The following PCBP3 variants were observed in gnomAD, a reference collection of about 807,000 sequenced individuals.
PCBP3 encodes the protein poly(rC)-binding protein 3.
PCBP3 carries 25 observed loss-of-function variants against 52.7 expected under a neutral mutation model. That is an observed-to-expected ratio of 0.47 (90% confidence interval 0.35 to 0.66). The LOEUF (loss-of-function observed/expected upper bound fraction) is 0.66, where lower values mean the gene tolerates loss of function less well. PCBP3 is among the 30% of genes least tolerant of loss of function. The pLI is 0.01. For missense variants in PCBP3, 391 were observed against 490.3 expected (o/e 0.80, Z 1.91); for synonymous variants, 162 against 183.0 (o/e 0.89, Z 0.93).
intron 4 of PCBP3, among the ~76,000 whole-genome samples, chr21:45,810,218 C>CTGTGTG (rs149677854): frequency 0.19 from 28,295 of 147,964 alleles, 2,913 homozygotes; most frequent in Non-Finnish European, 0.22. Context: ...TGATTCGATT[C>CTGTGTG]TGTGTGTGTG....
At chr21:45,806,889 C>G (rs1301809852) in intron 4 of PCBP3, among the ~76,000 whole-genome samples, 1 of 152,160 alleles carries the variant, frequency 6.6e-6, no homozygotes, top group African/African-American at 2.4e-5. Context: ...TCAGATGCTC[C>G]GAGCTCCTTG....
Position 45,821,479 on chromosome 21 carries a change from C to A in PCBP3, c.-125-28482C>A, listed in dbSNP as rs937151980. On this transcript the variant is annotated intron_variant, in intron 4 of 17. Transcript: ENST00000681687. The surrounding 1 kb of genome is among the most constrained non-coding windows in gnomAD (Gnocchi z 4.4). ...CCCAACTCTTTTCTAGAACACTCTTCCCCCTGCACCACGCTGTGGGCCCTG... is the reference window on the plus strand; with the variant it reads ...CCCAACTCTTTTCTAGAACACTCTTACCCCTGCACCACGCTGTGGGCCCTG... 6.7e-6 allele frequency among the ~76,000 whole-genome samples: 1 copy of A among 150,130 alleles called. No individual in the cohort carries two copies. The highest frequency in any genetic ancestry group is 2.5e-5 in the African/African-American group (1 of 40,644).
At chr21:45,940,917 G>A (rs1341640209) in intron 17 of PCBP3, among the ~76,000 whole-genome samples, 1 of 152,104 alleles carries the variant, frequency 6.6e-6, no homozygotes, top group Non-Finnish European at 1.5e-5. Flanking sequence ...GGGCTTGTGG[G>A]ATGGGACGGG....
In PCBP3 at chr21:45,792,930, A is replaced by C. The variant is rs554543198; in HGVS notation, c.-126+37478A>C. On this transcript the variant is annotated intron_variant, in intron 4 of 17. Transcript: ENST00000681687. ...TGAGGGACAGGGAGCCACTTCCAGG[A>C]GATGAAACATTGTCACATGCAGTCC... 2.6e-5 allele frequency among the ~76,000 whole-genome samples: 4 copies of C among 152,302 alleles called. No homozygotes were observed. In the East Asian group the frequency reaches 7.7e-4, roughly 29 times the overall value.
rs1569121422 is a variant in PCBP3, at chr21:45,691,438, A to G, written c.-200+22486A>G. ...TATATATATATAAAATATATATATCATATATATGTATGTATGTATGTGTGT... is the reference window on the plus strand; with the variant it reads ...TATATATATATAAAATATATATATCGTATATATGTATGTATGTATGTGTGT... On this transcript the variant is annotated intron_variant, in intron 2 of 17. Coordinates refer to ENST00000681687, the MANE Select transcript of PCBP3 (RefSeq NM_001384156.1). Among the ~76,000 whole-genome samples, 5 of 102,806 alleles carry G rather than the reference A, an allele frequency of 4.9e-5. No homozygotes were observed. The East Asian group carries it at 1.1e-3, about 23-fold the overall frequency. 67.4% of individuals were successfully genotyped at this position (102,806 alleles called of 152,430 possible).
chr21:45,674,591 A>G (rs1001110747), intron 2 of PCBP3, among the ~76,000 whole-genome samples: 3 of 152,220 alleles, frequency 2.0e-5, no homozygotes, highest in African/African-American at 7.2e-5. Context: ...ACAAATAATA[A>G]TGAAGTAGGT....
chr21:45,782,065 C>A (rs2090677838), intron 4 of PCBP3, among the ~76,000 whole-genome samples: 1 of 151,860 alleles, frequency 6.6e-6, no homozygotes, highest in Admixed American at 6.6e-5. Context: ...TTTTTTTCCC[C>A]CAAAGAAAGC....
At chr21:45,940,964 C>CTAGA (rs1372145889) in intron 17 of PCBP3, among the ~76,000 whole-genome samples, 1 of 152,178 alleles carries the variant, frequency 6.6e-6, no homozygotes. Context: ...AGGGAGGGGC[C>CTAGA]TCTAGGTGGA....
intron 4 of PCBP3, among the ~76,000 whole-genome samples, chr21:45,823,999 C>T (rs1308316389): frequency 6.6e-6 from 1 of 152,214 alleles, no homozygotes; most frequent in African/African-American, 2.4e-5. Context: ...GCCTTGGCCT[C>T]CCAAAGTGCT....
At chr21:45,785,526 C>T (rs1254113859) in intron 4 of PCBP3, among the ~76,000 whole-genome samples, 1 of 149,824 alleles carries the variant, frequency 6.7e-6, no homozygotes, top group Non-Finnish European at 1.5e-5. Flanking sequence ...GTCAGCCCCC[C>T]GCCCGGCCAG....
intron 4 of PCBP3, among the ~76,000 whole-genome samples, chr21:45,849,516 CT>C (rs1233489942): frequency 1.3e-5 from 2 of 151,952 alleles, no homozygotes; most frequent in South Asian, 2.1e-4. Flanking sequence ...TCAAATGTGC[CT>C]TTTTTTTCCA....
At chr21:45,912,335 C>T (rs1005978693) in intron 11 of PCBP3, among the ~76,000 whole-genome samples, 5 of 152,212 alleles carry the variant, frequency 3.3e-5, no homozygotes, top group African/African-American at 1.2e-4. Context: ...CAGGGGCCAT[C>T]ATCCCAGGGA....
At chr21:45,697,754 CA>C (rs5844246) in intron 2 of PCBP3, among the ~76,000 whole-genome samples, 81,346 of 131,988 alleles carry the variant, frequency 0.62, 23,347 homozygotes, top group African/African-American at 0.73. Flanking sequence ...GACCCTGTCT[CA>C]AAAAAAAAAA....
At chr21:45,740,362 TA>T (rs1487974205) in intron 3 of PCBP3, among the ~76,000 whole-genome samples, 1 of 152,222 alleles carries the variant, frequency 6.6e-6, no homozygotes, top group East Asian at 1.9e-4. Flanking sequence ...GCTCCCATGT[TA>T]AAATTAAAAA....
chr21:45,678,335 T>C (rs2081601952), intron 2 of PCBP3, among the ~76,000 whole-genome samples: 1 of 151,060 alleles, frequency 6.6e-6, no homozygotes. Flanking sequence ...AATAATAAAA[T>C]AAATAAATAC....
At position 45,923,844 on chromosome 21, in the gene PCBP3, A is replaced by G. The variant is rs532879573; in HGVS notation, c.718-6073A>G. Among the ~76,000 whole-genome samples the G allele has an allele frequency of 2.0e-5, 3 of 147,044 alleles. No homozygotes were observed. The East Asian group carries it at 5.9e-4, about 29-fold the overall frequency. On this transcript the variant is annotated intron_variant, in intron 13 of 17. Transcript: ENST00000681687. ...ACGAGGAGATGCGAACACCGGGAAC[A>G]GTCGAGTGGGTAGAAACAGCACACG...
chr21:45,729,490 A>G (rs2085299190), intron 2 of PCBP3, among the ~76,000 whole-genome samples: 1 of 152,158 alleles, frequency 6.6e-6, no homozygotes, highest in African/African-American at 2.4e-5. Context: ...CCACCCTAGC[A>G]GCACCATTTT....
chr21:45,756,077 C>A (rs1221721777), intron 4 of PCBP3, among the ~76,000 whole-genome samples: 1 of 152,168 alleles, frequency 6.6e-6, no homozygotes, highest in Non-Finnish European at 1.5e-5. Context: ...GGTCTCTGAT[C>A]TATTCCCCAT....
At chr21:45,738,581 C>T (rs1053117635) in intron 3 of PCBP3, among the ~76,000 whole-genome samples, 4 of 152,196 alleles carry the variant, frequency 2.6e-5, no homozygotes, top group African/African-American at 7.2e-5. Context: ...CGTAAGATAA[C>T]AATTTTCCTT....
Sources: allele counts gnomAD v4.1 joint callset (sites outside exome capture counted in the v4.1 genomes callset), GRCh38; gene constraint gnomAD v4.1.1; non-coding constraint Gnocchi (gnomAD v3.1); transcripts MANE v1.5; gene names NCBI Gene and HGNC (gene_info 2026-07-23, HGNC 2026-07-21).